Variants in FILIP1L observed in about 807,000 individuals in gnomAD.
FILIP1L encodes filamin A-interacting protein 1-like.
Under a neutral mutation model 96.6 loss-of-function variants are expected in FILIP1L, and 55 were observed. The observed-to-expected ratio is 0.57, with a 90% CI of 0.46 to 0.71. FILIP1L has a LOEUF of 0.71. FILIP1L is among the 30% of genes least tolerant of loss of function. FILIP1L has a pLI of 0.00. For missense variants in FILIP1L, 1,304 were observed against 1,321.2 expected (o/e 0.99, Z 0.20); for synonymous variants, 467 against 473.9 (o/e 0.99, Z 0.19).
At chr3:99,922,049 A>C (rs992307641) in intron 4 of FILIP1L, among the ~76,000 whole-genome samples, 3 of 152,206 alleles carry the variant, frequency 2.0e-5, no homozygotes, top group African/African-American at 7.2e-5. Flanking sequence ...ATAGCCCTTC[A>C]CATTCCCACC....
intron 1 of FILIP1L, among the ~76,000 whole-genome samples, chr3:100,019,767 A>G (rs1232291411): frequency 1.3e-5 from 2 of 152,186 alleles, no homozygotes; most frequent in African/African-American, 2.4e-5. Context: ...CTTTCAAACT[A>G]TTACAGCAAA....
intron 1 of FILIP1L, among the ~76,000 whole-genome samples, chr3:100,056,340 T>C (rs1022769370): frequency 3.3e-5 from 5 of 152,196 alleles, no homozygotes; most frequent in Admixed American, 2.6e-4. Context: ...TTCCAGACCT[T>C]ACATCTACTT....
In FILIP1L at chr3:99,830,477, C is replaced by T. The variant is rs1017035996; in HGVS notation, c.3510G>A (p.Gly1170=). Residue 1170 remains glycine, a synonymous_variant, in exon 6 of 6, where the codon GGG becomes GGA. Transcript: ENST00000477258. ...TGACAGTTCTCACGATGTGTAGCTT[C>T]CCACAGCCATTTTGGTAAATAGGCT... ...MDKPIYQNGC[G]KLHIVRTVTS... 4 of 456,474 alleles carry T rather than the reference C, an allele frequency of 8.8e-6. No individual in the cohort carries two copies. The highest frequency in any genetic ancestry group is 4.7e-5 in the Admixed American group (2 of 42,552). 28.3% of individuals were successfully genotyped at this position (456,474 alleles called of 1,614,324 possible).
At position 100,009,559 on chromosome 3, in the gene FILIP1L, CT is replaced by C. The variant is rs1046968328; in HGVS notation, c.-10-78530del. Reference sequence around the variant, plus strand: ...GAGCCTTTTCACTTGATAGACCAAGCTCTTAATTTCCCCAGGTTGTTAATCT... The same window carrying C: ...GAGCCTTTTCACTTGATAGACCAAGCCTTAATTTCCCCAGGTTGTTAATCT... On this transcript the variant is annotated intron_variant, in intron 1 of 5. Coordinates refer to ENST00000477258, the MANE Select transcript of FILIP1L (RefSeq NM_001387850.1). 4.9e-4 allele frequency among the ~76,000 whole-genome samples: 74 copies of C among 152,142 alleles called. 3 individuals are homozygous for C. Among genetic ancestry groups the C allele is most frequent in the Non-Finnish European group, 5.9e-5 (4 of 68,034 alleles).
intron 1 of FILIP1L, among the ~76,000 whole-genome samples, chr3:99,965,907 G>C (rs975932319): frequency 4.6e-5 from 7 of 152,084 alleles, no homozygotes; most frequent in Non-Finnish European, 8.8e-5. Flanking sequence ...GACCATTTCT[G>C]TACATAAGGC....
intron 2 of FILIP1L, 38 bp from the exon 3 acceptor site, chr3:99,930,067 TC>T: frequency 6.5e-7 from 1 of 1,538,484 alleles, no homozygotes; most frequent in Non-Finnish European, 8.8e-7. Flanking sequence ...GCCTGCTGTC[TC>T]TACCAGCAGT....
At chr3:100,046,601 A>C (rs908597537) in intron 1 of FILIP1L, among the ~76,000 whole-genome samples, 11 of 152,170 alleles carry the variant, frequency 7.2e-5, no homozygotes, top group African/African-American at 2.7e-4. Flanking sequence ...AGAGGTTAGC[A>C]AAAGAGGGGT....
chr3:99,975,973 C>T (rs1171278743), intron 1 of FILIP1L, among the ~76,000 whole-genome samples: 1 of 152,184 alleles, frequency 6.6e-6, no homozygotes, highest in Non-Finnish European at 1.5e-5. Context: ...CAACCTCCGC[C>T]TCCTGGGTTC....
intron 1 of FILIP1L, among the ~76,000 whole-genome samples, chr3:100,037,758 A>G (rs1213851855): frequency 6.6e-6 from 1 of 152,150 alleles, no homozygotes; most frequent in Non-Finnish European, 1.5e-5. Flanking sequence ...AAAGCTGTGT[A>G]TAAGTGAATG....
At chr3:100,006,183 A>T (rs1341716215) in intron 1 of FILIP1L, among the ~76,000 whole-genome samples, 3 of 152,154 alleles carry the variant, frequency 2.0e-5, no homozygotes, top group Admixed American at 2.0e-4. Context: ...CTGGGGCAGT[A>T]AGACAGGCTG....
chr3:99,995,334 T>C (rs758629903), intron 1 of FILIP1L, among the ~76,000 whole-genome samples: 14 of 152,188 alleles, frequency 9.2e-5, no homozygotes, highest in Non-Finnish European at 1.8e-4. Context: ...CACATCCAGG[T>C]CACACTGATG....
At chr3:99,980,416 G>A (rs1017716812) in intron 1 of FILIP1L, among the ~76,000 whole-genome samples, 11 of 152,098 alleles carry the variant, frequency 7.2e-5, no homozygotes, top group African/African-American at 2.7e-4. Context: ...GATATGTTAG[G>A]TAACTGCCCC....
intron 1 of FILIP1L, among the ~76,000 whole-genome samples, chr3:99,985,133 T>C (rs914582631): frequency 1.3e-5 from 2 of 152,162 alleles, no homozygotes; most frequent in Non-Finnish European, 2.9e-5. Flanking sequence ...GTTCAAAAGT[T>C]AATTGGAGTA....
intron 1 of FILIP1L, among the ~76,000 whole-genome samples, chr3:99,939,704 A>G (rs533001410): frequency 2.0e-5 from 3 of 152,194 alleles, no homozygotes; most frequent in Non-Finnish European, 1.5e-5. Context: ...AACTTCTTCC[A>G]GTTTAGCTTA....
intron 4 of FILIP1L, among the ~76,000 whole-genome samples, chr3:99,905,838 A>G (rs966137285): frequency 6.6e-6 from 1 of 152,248 alleles, no homozygotes; most frequent in Non-Finnish European, 1.5e-5. Context: ...TTACATTGCC[A>G]TCAGAAATGT....
At chr3:100,102,365 T>C (rs572907060) in intron 1 of FILIP1L, among the ~76,000 whole-genome samples, 4 of 152,326 alleles carry the variant, frequency 2.6e-5, no homozygotes, top group African/African-American at 9.6e-5. Context: ...ATTTCTCGGG[T>C]GTTAAGAGGA....
At chr3:99,912,151 T>C (rs956934723) in intron 4 of FILIP1L, among the ~76,000 whole-genome samples, 5 of 152,232 alleles carry the variant, frequency 3.3e-5, no homozygotes, top group Non-Finnish European at 5.9e-5. Context: ...TTTTTGGTTT[T>C]ATTCAGCCAT....
At chr3:100,030,839 G>A (rs922515807) in intron 1 of FILIP1L, among the ~76,000 whole-genome samples, 1 of 152,082 alleles carries the variant, frequency 6.6e-6, no homozygotes, top group African/African-American at 2.4e-5. Context: ...AACCTAATAA[G>A]GTATAAGTGG....
At chr3:99,893,392 C>T (rs1403112475) in intron 4 of FILIP1L, among the ~76,000 whole-genome samples, 4 of 152,096 alleles carry the variant, frequency 2.6e-5, no homozygotes, top group Non-Finnish European at 5.9e-5. Flanking sequence ...GTCTCGATCT[C>T]CTGACCTCGT....
Sources: gnomAD v4.1 joint callset for allele counts (sites outside exome capture counted in the v4.1 genomes callset) on GRCh38, gnomAD v4.1.1 for gene constraint, MANE v1.5 for transcripts, NCBI Gene and HGNC (gene_info 2026-07-23, HGNC 2026-07-21) for gene names.